The following UGT1A6 variants were observed in gnomAD, a reference collection of about 807,000 sequenced individuals.
UGT1A6 encodes UDP-glucuronosyltransferase 1A6.
UGT1A6 carries 32 observed loss-of-function variants against 44.4 expected under a neutral mutation model. The observed-to-expected ratio is 0.72, with a 90% CI of 0.54 to 0.97. The LOEUF (loss-of-function observed/expected upper bound fraction) is 0.97. Among genes scored for constraint, UGT1A6 ranks in the 50% least tolerant of loss-of-function variants. UGT1A6 has a pLI of 0.00. For synonymous variants in UGT1A6, 238 were observed against 248.5 expected, an observed-to-expected ratio of 0.96 and a Z score of 0.40; for missense variants, 685 against 661.9, an observed-to-expected ratio of 1.03 and a Z score of -0.38.
At chr2:233,737,662 C>A (rs972377767) in intron 1 of UGT1A6, among the ~76,000 whole-genome samples, 3 of 152,186 alleles carry the variant, frequency 2.0e-5, no homozygotes, top group African/African-American at 7.2e-5. Context: ...AGCTGCAGAT[C>A]GGAGCTGTTC....
At chr2:233,724,302 T>G (rs1575551867) in intron 1 of UGT1A6, among the ~76,000 whole-genome samples, 1 of 123,338 alleles carries the variant, frequency 8.1e-6, no homozygotes, top group African/African-American at 3.2e-5. Context: ...CCCCCCCACC[T>G]CCCTCCCGGA....
At chr2:233,720,833 G>A in intron 1 of UGT1A6, among the ~76,000 whole-genome samples, 1 of 150,462 alleles carries the variant, frequency 6.6e-6, no homozygotes, top group East Asian at 2.0e-4. Context: ...AGTCTCCTGA[G>A]TAACTGGGAC....
intron 1 of UGT1A6, among the ~76,000 whole-genome samples, chr2:233,739,992 T>C (rs772368489): frequency 2.0e-5 from 3 of 151,936 alleles, no homozygotes; most frequent in Non-Finnish European, 2.9e-5. Context: ...CATGCTGTTC[T>C]TGTCATACTA....
intron 4 of UGT1A6, chr2:233,770,334 G>T (rs1260169235): frequency 6.6e-6 from 1 of 152,106 alleles, no homozygotes; most frequent in East Asian, 1.9e-4. Flanking sequence ...GGCCATAATA[G>T]GTGCTCAATT....
At chr2:233,719,137 T>G (rs1197566998) in intron 1 of UGT1A6, 1 of 1,614,254 alleles carries the variant, frequency 6.2e-7, no homozygotes, top group Non-Finnish European at 8.5e-7. Context: ...ACAGAACATC[T>G]TCTGAAGAGA....
intron 1 of UGT1A6, chr2:233,754,965 T>A (rs1303021739): frequency 7.7e-7 from 1 of 1,306,100 alleles, no homozygotes; most frequent in East Asian, 4.6e-5. Flanking sequence ...GCCAAAGAAC[T>A]CCCTGAAGAC....
intron 1 of UGT1A6, among the ~76,000 whole-genome samples, chr2:233,739,521 C>G (rs937705883): frequency 6.6e-6 from 1 of 152,212 alleles, no homozygotes; most frequent in Non-Finnish European, 1.5e-5. Context: ...GACATGAAGT[C>G]AAGGGAGATT....
In UGT1A6 at chr2:233,724,597, G is replaced by T. The variant is rs1338204935; in HGVS notation, c.861+30732G>T. The stretch of plus-strand genomic sequence containing the variant: ...CAGAGGCGCTCCCCACATCTCAGAC[G>T]ATGGGCGGCCGGGCAGAGACGCTCC... On this transcript the variant is annotated intron_variant, in intron 1 of 4. Coordinates refer to ENST00000305139, the MANE Select transcript of UGT1A6 (RefSeq NM_001072.4). Among the ~76,000 whole-genome samples the T allele has an allele frequency of 7.7e-3, 1,007 of 130,776 alleles. 47 individuals are homozygous for T. Among genetic ancestry groups the T allele is most frequent in the African/African-American group, 0.029 (930 of 32,516 alleles). 85.8% of individuals were successfully genotyped at this position (130,776 alleles called of 152,430 possible).
At chr2:233,752,262 A>T (rs1694925315) in intron 1 of UGT1A6, 1 of 152,020 alleles carries the variant, frequency 6.6e-6, no homozygotes. Context: ...TGGTCACAGG[A>T]CTCCAGGTCT....
chr2:233,772,348 T>C lies in UGT1A6; in HGVS notation c.1388T>C (p.Phe463Ser). ...PLDLAVFWVE[F>S]VMRHKGAPHL... Reference sequence around the variant, plus strand: ...GACCTGGCCGTGTTCTGGGTGGAGTTTGTGATGAGGCACAAGGGCGCGCCA... The same window carrying C: ...GACCTGGCCGTGTTCTGGGTGGAGTCTGTGATGAGGCACAAGGGCGCGCCA... Residue 463 changes from phenylalanine (F) to serine (S), a missense_variant, in exon 5 of 5, where the codon TTT becomes TCT. Physicochemically the swap from Phe to Ser is radical, Grantham distance 155. Transcript: ENST00000305139. 3 of 1,614,234 alleles carry C rather than the reference T, an allele frequency of 1.9e-6. No individual in the cohort carries two copies. In the South Asian group the frequency reaches 3.3e-5, roughly 18 times the overall value.
At chr2:233,767,511 A>G (rs1020159718) in intron 2 of UGT1A6, among the ~76,000 whole-genome samples, 21 of 152,248 alleles carry the variant, frequency 1.4e-4, no homozygotes, top group African/African-American at 3.9e-4. Context: ...GTTGGTTAGA[A>G]CACTGAATTT....
rs569317540 is a variant in UGT1A6 at position 233,719,363 on chromosome 2, C to G, written c.861+25498C>G. 2.5e-6 allele frequency: 4 copies of G among 1,613,942 alleles called. No individual in the cohort carries two copies. The African/African-American group carries it at 4.0e-5, about 16-fold the overall frequency. On this transcript the variant is annotated intron_variant, in intron 1 of 4. Transcript: ENST00000305139. ...GGAGGTACATTCCATGTGACTTAGA[C>G]TTTAAGGGCACACAGTGTCCAAATC...
At chr2:233,754,816 C>A (rs1436374253) in intron 1 of UGT1A6, 2 of 1,325,550 alleles carry the variant, frequency 1.5e-6, no homozygotes, top group Admixed American at 3.9e-5. Context: ...GAAAAACCAC[C>A]CTCAAAAGCT....
intron 1 of UGT1A6, chr2:233,747,357 C>A (rs115834808): frequency 9.4e-6 from 15 of 1,602,522 alleles, no homozygotes; most frequent in East Asian, 2.2e-5. Context: ...GGAGGCCGTG[C>A]GGGAGCTCCA....
rs17862868 is a variant in UGT1A6 at position 233,713,736 on chromosome 2, G to C, written c.861+19871G>C. 0.091 allele frequency: 144,308 copies of C among 1,587,106 alleles called. 8,660 individuals carry two copies. The highest frequency in any genetic ancestry group is 0.18 in the South Asian group (15,774 of 87,104). On this transcript the variant is annotated intron_variant, in intron 1 of 4. Coordinates refer to ENST00000305139, the MANE Select transcript of UGT1A6 (RefSeq NM_001072.4). ...GAGAGAGGTGTCAGTGGTGGATCTT[G>C]TCAGCCATGCATCTGTGTGGCTGTT... is the stretch of plus-strand genomic sequence containing the variant.
intron 1 of UGT1A6, among the ~76,000 whole-genome samples, chr2:233,738,371 C>A (rs1337680224): frequency 1.3e-5 from 2 of 152,150 alleles, no homozygotes; most frequent in African/African-American, 4.8e-5. Context: ...TGCTATAAAA[C>A]TACTTGAAAA....
At chr2:233,747,557 A>G (rs1485247055) in intron 1 of UGT1A6, 14 of 1,596,092 alleles carry the variant, frequency 8.8e-6, no homozygotes, top group Non-Finnish European at 8.6e-6. Flanking sequence ...AAAGTATGGC[A>G]ATTTTGAAAA....
intron 1 of UGT1A6, among the ~76,000 whole-genome samples, chr2:233,732,279 A>C (rs2078256222): frequency 6.6e-6 from 1 of 152,052 alleles, no homozygotes; most frequent in East Asian, 1.9e-4. Context: ...TGCTGTGGAG[A>C]AGCTCTTTAG....
chr2:233,700,811 T>C (rs969820712), intron 1 of UGT1A6, among the ~76,000 whole-genome samples: 1 of 152,126 alleles, frequency 6.6e-6, no homozygotes, highest in Non-Finnish European at 1.5e-5. Flanking sequence ...CATGTTGGTG[T>C]GCTGCACCCA....
Sources: allele counts gnomAD v4.1 joint callset (sites outside exome capture counted in the v4.1 genomes callset), GRCh38; gene constraint gnomAD v4.1.1; transcripts MANE v1.5; gene names NCBI Gene and HGNC (gene_info 2026-07-23, HGNC 2026-07-21).